The following SLC18A1 variants were observed in gnomAD, a reference collection of about 807,000 sequenced individuals.
The protein encoded by SLC18A1 is chromaffin granule amine transporter.
Under a neutral mutation model 53.7 loss-of-function variants are expected in SLC18A1, and 69 were observed. The observed-to-expected ratio is 1.28, with a 90% CI of 1.06 to 1.57. The LOEUF (loss-of-function observed/expected upper bound fraction) is 1.57. SLC18A1 is among the 40% of genes most tolerant of loss of function. SLC18A1 has a pLI of 0.00. For synonymous variants in SLC18A1, 320 were observed against 248.1 expected, an observed-to-expected ratio of 1.29 and a Z score of -2.72; for missense variants, 932 against 668.1, an observed-to-expected ratio of 1.40 and a Z score of -4.35.
chr8:20,158,936 G>T (rs4922133), intron 10 of SLC18A1, among the ~76,000 whole-genome samples: 6,894 of 152,136 alleles, frequency 0.045, 204 homozygotes, highest in Middle Eastern at 0.1. Flanking sequence ...ACCCTCACTA[G>T]GCTCGATGGA....
intron 10 of SLC18A1, among the ~76,000 whole-genome samples, chr8:20,153,973 C>T (rs770677598): frequency 1.3e-5 from 2 of 152,114 alleles, no homozygotes; most frequent in Admixed American, 6.5e-5. Flanking sequence ...ATGAATCCCT[C>T]GTGAATGGCG....
In SLC18A1 at chr8:20,147,260, G is replaced by C. The variant is rs1247899112; in HGVS notation, c.1462C>G (p.Leu488Val). The C allele has an allele frequency of 1.3e-6, 2 of 1,599,488 alleles. No individual in the cohort carries two copies. The highest frequency in any genetic ancestry group is 1.7e-6 in the Non-Finnish European group (2 of 1,175,412). ...LRSPPAKEEK[L>V]AILSQDCPME... is the part of the protein sequence containing the mutation. ...TTTTAACAGTCGGTGCTCCTTACAA[G>C]CTTCTCTTCCTTTGCCGGGGGGCTC... The change falls in exon 15 of 16, where the codon CTT becomes GTT. Residue 488 changes from leucine to valine, a missense_variant and splice_region_variant. By Grantham distance (32) the Leu-to-Val change is conservative. Transcript: ENST00000276373.
At chr8:20,152,236 G>C (rs943960808) in intron 10 of SLC18A1, among the ~76,000 whole-genome samples, 14 of 152,324 alleles carry the variant, frequency 9.2e-5, no homozygotes, top group African/African-American at 3.4e-4. Flanking sequence ...GGAAAGTGGA[G>C]GGTGAGAAAA....
At position 20,147,249 on chromosome 8, in the gene SLC18A1, G is replaced by T. The variant is rs768474075; in HGVS notation, c.1464+9C>A. ...GTGAATTTCTCTTTTAACAGTCGGT[G>T]CTCCTTACAAGCTTCTCTTCCTTTG... is the stretch of plus-strand genomic sequence containing the variant. On this transcript the variant is annotated intron_variant, in intron 15 of 15. Transcript: ENST00000276373. 4 of 1,589,350 alleles carry T rather than the reference G, an allele frequency of 2.5e-6. No homozygotes were observed. Among genetic ancestry groups the T allele is most frequent in the South Asian group, 1.2e-5 (1 of 86,706 alleles).
intron 8 of SLC18A1, 51 bp downstream of exon 8, chr8:20,171,052 C>T (rs2072102049): frequency 1.3e-6 from 2 of 1,576,370 alleles, no homozygotes; most frequent in African/African-American, 1.3e-5. Context: ...TGGGTTCCTG[C>T]ATTCAGCCAT....
chr8:20,171,568 C>A (rs1284429825), intron 6 of SLC18A1, 74 bp from the exon 7 acceptor site: 1 of 1,225,380 alleles, frequency 8.2e-7, no homozygotes, highest in Non-Finnish European at 1.2e-6. Flanking sequence ...CCATATTTAC[C>A]CCGTGAGCAT....
intron 12 of SLC18A1, among the ~76,000 whole-genome samples, chr8:20,149,246 T>C (rs2071483170): frequency 6.6e-6 from 1 of 152,140 alleles, no homozygotes; most frequent in Non-Finnish European, 1.5e-5. Flanking sequence ...GGGACATAGA[T>C]GATGGTTCCC....
At chr8:20,168,246 A>T (rs1292933971) in intron 8 of SLC18A1, among the ~76,000 whole-genome samples, 2 of 151,944 alleles carry the variant, frequency 1.3e-5, no homozygotes, top group Non-Finnish European at 2.9e-5. Flanking sequence ...ATGCCTGTGT[A>T]GTCTCAGCTA....
intron 8 of SLC18A1, among the ~76,000 whole-genome samples, chr8:20,165,446 C>G (rs1049255552): frequency 6.6e-6 from 1 of 152,110 alleles, no homozygotes; most frequent in Non-Finnish European, 1.5e-5. Context: ...TGTCTGGACT[C>G]CTGGTTTCCA....
chr8:20,164,114 T>C (rs1220515137), intron 10 of SLC18A1, among the ~76,000 whole-genome samples: 2 of 152,198 alleles, frequency 1.3e-5, no homozygotes, highest in African/African-American at 4.8e-5. Flanking sequence ...CATGCTGAAC[T>C]ATATCATGTT....
At chr8:20,170,027 G>T (rs1472857843) in intron 8 of SLC18A1, among the ~76,000 whole-genome samples, 1 of 152,194 alleles carries the variant, frequency 6.6e-6, no homozygotes, top group Non-Finnish European at 1.5e-5. Context: ...AGGGCTGGAG[G>T]GGTGCTGGGC....
intron 10 of SLC18A1, among the ~76,000 whole-genome samples, chr8:20,151,523 C>T (rs531111859): frequency 2.0e-5 from 3 of 152,224 alleles, no homozygotes; most frequent in East Asian, 1.9e-4. Flanking sequence ...ATTACTAAAC[C>T]TTTCTGAGCC....
intron 11 of SLC18A1, among the ~76,000 whole-genome samples, chr8:20,150,027 G>C (rs779611942): frequency 2.0e-5 from 3 of 152,176 alleles, no homozygotes; most frequent in Non-Finnish European, 1.5e-5. Context: ...CTTAGAAGTA[G>C]CCCTCAAACT....
At chr8:20,160,536 G>T (rs1344373591) in intron 10 of SLC18A1, among the ~76,000 whole-genome samples, 1 of 151,796 alleles carries the variant, frequency 6.6e-6, no homozygotes, top group Admixed American at 6.6e-5. Flanking sequence ...CTATCAAAAT[G>T]GTTTAAAGTA....
At chr8:20,166,249 T>C (rs1248954093) in intron 8 of SLC18A1, among the ~76,000 whole-genome samples, 2 of 140,706 alleles carry the variant, frequency 1.4e-5, no homozygotes, top group East Asian at 2.1e-4. Context: ...GCACACACTA[T>C]TGTGTACACA....
intron 8 of SLC18A1, among the ~76,000 whole-genome samples, chr8:20,168,615 T>C (rs938703958): frequency 6.6e-6 from 1 of 151,578 alleles, no homozygotes; most frequent in African/African-American, 2.4e-5. Flanking sequence ...AGTCTTACTT[T>C]GTCACCCAGG....
At chr8:20,164,542 G>A (rs2128874142) in intron 10 of SLC18A1, among the ~76,000 whole-genome samples, 1 of 152,246 alleles carries the variant, frequency 6.6e-6, no homozygotes, top group African/African-American at 2.4e-5. Flanking sequence ...GATGCTCAGA[G>A]GGTTTAAGGC....
At position 20,171,451 on chromosome 8, in the gene SLC18A1, C is replaced by A. The variant is rs1439276796; in HGVS notation, c.768G>T (p.Lys256Asn). The stretch of plus-strand genomic sequence containing the variant: ...AGGCCAGGATGAGGAAGGGTGCAGA[C>A]TTCCCAACAAACTCGTACATTACAC... Reference protein sequence around the residue: ...FGSVMYEFVGKSAPFLILAFL... With the variant: ...FGSVMYEFVGNSAPFLILAFL... Residue 256 changes from lysine to asparagine, a missense_variant, in exon 7 of 16, where the codon AAG becomes AAT. Coordinates refer to ENST00000276373, the MANE Select transcript of SLC18A1 (RefSeq NM_003053.4). The A allele has an allele frequency of 6.2e-7, 1 of 1,614,206 alleles. No individual in the cohort carries two copies. The highest frequency in any genetic ancestry group is 8.5e-7 in the Non-Finnish European group (1 of 1,180,028).
chr8:20,148,333 T>C (rs1003272627), intron 12 of SLC18A1: 3 of 695,492 alleles, frequency 4.3e-6, no homozygotes, highest in East Asian at 4.1e-5. Context: ...AGTTTGGACC[T>C]CAGACTTGGC....
Sources: gnomAD v4.1 joint callset for allele counts (sites outside exome capture counted in the v4.1 genomes callset) on GRCh38, gnomAD v4.1.1 for gene constraint, MANE v1.5 for transcripts, NCBI Gene and HGNC (gene_info 2026-07-23, HGNC 2026-07-21) for gene names.